EIF2S2: variants seen among roughly 807,000 people sequenced by gnomAD.
The protein encoded by EIF2S2 is eukaryotic translation initiation factor 2 subunit 2.
A neutral mutation model predicts 44.0 loss-of-function variants in EIF2S2; 4 were observed. The ratio of observed to expected loss-of-function variants is 0.09; its 90% CI spans 0.04 to 0.21. The LOEUF is 0.21. Among genes scored for constraint, EIF2S2 ranks in the 10% least tolerant of loss-of-function variants. The pLI is 1.00. For missense variants in EIF2S2, 154 were observed against 392.0 expected, an observed-to-expected ratio of 0.39 and a Z score of 5.13; for synonymous variants, 108 against 128.3, an observed-to-expected ratio of 0.84 and a Z score of 1.07.
At chr20:34,091,527 C>A (rs1404004838) in intron 7 of EIF2S2, among the ~76,000 whole-genome samples, 1 of 151,788 alleles carries the variant, frequency 6.6e-6, no homozygotes, top group East Asian at 1.9e-4. Context: ...ACCAGCCTGA[C>A]CAATATGGTG....
intron 6 of EIF2S2, among the ~76,000 whole-genome samples, chr20:34,095,985 T>C (rs1471463276): frequency 6.6e-6 from 1 of 152,158 alleles, no homozygotes; most frequent in Non-Finnish European, 1.5e-5. Flanking sequence ...AATGTGATGG[T>C]AATTAAGAAA....
rs557481761 is a variant in EIF2S2, at chr20:34,099,311, C to T, written c.298-678G>A. On this transcript the variant is annotated intron_variant, in intron 3 of 8. Coordinates refer to ENST00000374980, the MANE Select transcript of EIF2S2 (RefSeq NM_003908.5). ...AGCAGAGGTTGCAGTGAGTTGAGAT[C>T]GTGCCACCGCACTCCAGCCTGGGCA... 7.3e-5 allele frequency among the ~76,000 whole-genome samples: 11 copies of T among 151,252 alleles called. No homozygotes were observed. The East Asian group carries it at 2.1e-3, about 29-fold the overall frequency.
At chr20:34,093,063 AT>A (rs1409335735) in intron 7 of EIF2S2, among the ~76,000 whole-genome samples, 2 of 152,252 alleles carry the variant, frequency 1.3e-5, no homozygotes, top group Non-Finnish European at 2.9e-5. Context: ...GGTGCTCAAT[AT>A]GCATTAGTCA....
chr20:34,091,779 G>T lies in EIF2S2; in HGVS notation c.741-1177C>A, dbSNP rs1319216222. ...TATTTATATATATTTATTTTTTTGG[G>T]GGGGGGGGGTCCAAGGGTGGAGGTT... On this transcript the variant is annotated intron_variant, in intron 7 of 8. Transcript: ENST00000374980. 4.5e-3 allele frequency among the ~76,000 whole-genome samples: 626 copies of T among 138,806 alleles called. 28 individuals carry two copies. The highest frequency in any genetic ancestry group is 0.017 in the African/African-American group (611 of 35,134). The allele number at this position is 138,806 out of a possible 152,430, so 91.1% of individuals were successfully genotyped here.
intron 3 of EIF2S2, among the ~76,000 whole-genome samples, chr20:34,102,699 G>A (rs777134165): frequency 2.6e-5 from 4 of 152,266 alleles, no homozygotes; most frequent in African/African-American, 7.2e-5. Flanking sequence ...GTGTGTGCGC[G>A]CTCTATGTGA....
chr20:34,097,411 C>T lies in EIF2S2; in HGVS notation c.534+5G>A, dbSNP rs1455180809. The T allele has an allele frequency of 6.2e-7, 1 of 1,611,332 alleles. No individual in the cohort carries two copies. The highest frequency in any genetic ancestry group is 2.2e-5 in the East Asian group (1 of 44,888). On this transcript the variant is annotated splice_donor_5th_base_variant and intron_variant, in intron 5 of 8. Coordinates refer to ENST00000374980, the MANE Select transcript of EIF2S2 (RefSeq NM_003908.5). Reference sequence around the variant, plus strand: ...AGCCCCTTTTCACAACAGATTTTGTCTTACCTCCTCGTATGTGTAGTCTCT... The same window carrying T: ...AGCCCCTTTTCACAACAGATTTTGTTTTACCTCCTCGTATGTGTAGTCTCT...
At chr20:34,099,271 C>T (rs2034267991) in intron 3 of EIF2S2, among the ~76,000 whole-genome samples, 1 of 151,744 alleles carries the variant, frequency 6.6e-6, no homozygotes, top group East Asian at 1.9e-4. Flanking sequence ...TGAGAGGAAT[C>T]GCTTGAACCC....
At chr20:34,090,654 A>C in intron 7 of EIF2S2, 52 bp from the exon 8 acceptor site, 1 of 1,091,086 alleles carries the variant, frequency 9.2e-7, no homozygotes, top group East Asian at 2.7e-5. Flanking sequence ...TCCTAAAGGA[A>C]CCAAATTCCA....
At chr20:34,091,599 T>A (rs1030141730) in intron 7 of EIF2S2, among the ~76,000 whole-genome samples, 1 of 151,280 alleles carries the variant, frequency 6.6e-6, no homozygotes, top group East Asian at 2.0e-4. Context: ...GCGCCTATAG[T>A]CCCAGCTACT....
At chr20:34,099,097 T>G (rs1601534270) in intron 3 of EIF2S2, among the ~76,000 whole-genome samples, 1 of 152,142 alleles carries the variant, frequency 6.6e-6, no homozygotes, top group Admixed American at 6.5e-5. Flanking sequence ...AGGCCAGGCG[T>G]CTTGGCTCAC....
rs781490595 is a variant in EIF2S2 at position 34,112,218 on chromosome 20, C to T, written c.-108G>A. 204 of 1,231,726 alleles carry T rather than the reference C, an allele frequency of 1.7e-4. No homozygotes were observed. The highest frequency in any genetic ancestry group is 9.8e-5 in the Non-Finnish European group (91 of 924,752). 76.3% of individuals were successfully genotyped at this position (1,231,726 alleles called of 1,614,324 possible). On this transcript the variant is annotated 5_prime_UTR_variant, in exon 1 of 9. Transcript: ENST00000374980. ...ATACCTCTCCCACCACCGCACTAGG[C>T]TCTTGCATCAGCGAAAGGAAACGAC...
At chr20:34,104,248 T>G (rs903075992) in intron 2 of EIF2S2, among the ~76,000 whole-genome samples, 1 of 152,320 alleles carries the variant, frequency 6.6e-6, no homozygotes, top group African/African-American at 2.4e-5. Context: ...TGAACTACTT[T>G]CAGTTCCTAC....
chr20:34,093,276 G>C (rs2122395312), intron 7 of EIF2S2, among the ~76,000 whole-genome samples: 1 of 152,312 alleles, frequency 6.6e-6, no homozygotes, highest in African/African-American at 2.4e-5. Context: ...GGTTTCTCCA[G>C]TGCCACTCAT....
intron 6 of EIF2S2, among the ~76,000 whole-genome samples, 200 bp from the exon 7 acceptor site, chr20:34,093,931 T>C (rs2034197980): frequency 6.6e-6 from 1 of 152,224 alleles, no homozygotes; most frequent in Admixed American, 6.5e-5. Flanking sequence ...CTTGTTTTAT[T>C]GCCCAGGCTG....
At chr20:34,101,101 C>T (rs1049406949) in intron 3 of EIF2S2, among the ~76,000 whole-genome samples, 1 of 152,166 alleles carries the variant, frequency 6.6e-6, no homozygotes, top group African/African-American at 2.4e-5. Flanking sequence ...AGCTCAGATT[C>T]GGGATCCCAA....
chr20:34,110,153 G>C (rs1302144071), intron 1 of EIF2S2, among the ~76,000 whole-genome samples: 1 of 150,402 alleles, frequency 6.6e-6, no homozygotes, highest in Non-Finnish European at 1.5e-5. Flanking sequence ...CTTTTTAATA[G>C]CAGCCTCTTT....
intron 3 of EIF2S2, among the ~76,000 whole-genome samples, chr20:34,103,212 C>T (rs1484801231): frequency 6.6e-6 from 1 of 152,186 alleles, no homozygotes; most frequent in Non-Finnish European, 1.5e-5. Context: ...TAGTTAAGGA[C>T]AAGGGACATT....
At chr20:34,095,310 C>CTTTTTTT (rs148341160) in intron 6 of EIF2S2, among the ~76,000 whole-genome samples, 1 of 123,922 alleles carries the variant, frequency 8.1e-6, no homozygotes, top group Admixed American at 8.2e-5. Context: ...TTAGCTACCT[C>CTTTTTTT]TTTTTTTTTT....
At chr20:34,090,432 A>C in intron 8 of EIF2S2, 85 bp downstream of exon 8, 1 of 804,098 alleles carries the variant, frequency 1.2e-6, no homozygotes, top group South Asian at 2.3e-5. Flanking sequence ...TTCCCAGCTC[A>C]CTGCAATCAA....
Sources: allele counts gnomAD v4.1 joint callset (sites outside exome capture counted in the v4.1 genomes callset), GRCh38; gene constraint gnomAD v4.1.1; transcripts MANE v1.5; gene names NCBI Gene and HGNC (gene_info 2026-07-23, HGNC 2026-07-21).